Variants in PITHD1 observed in about 807,000 individuals in gnomAD.
PITHD1 encodes PITH domain containing 1, also known as PITH domain-containing protein 1.
Under a neutral mutation model 27.5 loss-of-function variants are expected in PITHD1, and 8 were observed. That is an observed-to-expected ratio of 0.29 (90% CI 0.17 to 0.52). The LOEUF is 0.52. Ranked by LOEUF, PITHD1 falls within the 20% of genes least tolerant of loss-of-function variation. PITHD1 has a pLI of 0.96. For synonymous variants in PITHD1, 118 were observed against 106.8 expected (o/e 1.10, Z -0.64); for missense variants, 233 against 283.9 (o/e 0.82, Z 1.29).
At chr1:23,784,837 G>A (rs2148401676) in intron 3 of PITHD1, among the ~76,000 whole-genome samples, 1 of 152,240 alleles carries the variant, frequency 6.6e-6, no homozygotes, top group East Asian at 1.9e-4. Context: ...AGTCTTTTGT[G>A]ATCTTTCAAA....
intron 1 of PITHD1, 23 bp downstream of exon 1, chr1:23,778,736 C>T (rs1638548974): frequency 1.6e-6 from 2 of 1,223,544 alleles, no homozygotes; most frequent in Non-Finnish European, 2.1e-6. Flanking sequence ...GGGCTTGGGG[C>T]GGGCGGGGCA....
rs779667370 is a variant in PITHD1 at position 23,786,430 on chromosome 1, T to A, written c.534+7T>A. Reference sequence around the variant, plus strand: ...GAGAGGAGAGTGGACTGAGGTAAGATGGGGTTGGAAAGGTTTTCCCCTCAT... The same window carrying A: ...GAGAGGAGAGTGGACTGAGGTAAGAAGGGGTTGGAAAGGTTTTCCCCTCAT... On this transcript the variant is annotated splice_region_variant and intron_variant, in intron 5 of 5. Coordinates refer to ENST00000246151, the MANE Select transcript of PITHD1 (RefSeq NM_020362.5). The A allele has an allele frequency of 1.1e-5, 16 of 1,461,964 alleles. No homozygotes were observed. In the South Asian group the frequency reaches 1.8e-4, roughly 16 times the overall value. The allele number at this position is 1,461,964 out of a possible 1,614,324, so 90.6% of individuals were successfully genotyped here.
At chr1:23,783,382 T>TATATATACATATATACGC (rs1017023905) in intron 3 of PITHD1, among the ~76,000 whole-genome samples, 10 of 110,972 alleles carry the variant, frequency 9.0e-5, no homozygotes, top group Non-Finnish European at 1.1e-4. Context: ...CATATATGTG[T>TATATATACATATATACGC]ATATATACAT....
chr1:23,786,639 AAT>A (rs10636542), intron 5 of PITHD1, among the ~76,000 whole-genome samples: 23 of 146,592 alleles, frequency 1.6e-4, no homozygotes, highest in Non-Finnish European at 2.1e-4. Flanking sequence ...TAATATATAT[AAT>A]ATATATATAT....
At chr1:23,779,765 A>C in intron 2 of PITHD1, 99 bp from the exon 3 acceptor site, 1 of 853,844 alleles carries the variant, frequency 1.2e-6, no homozygotes, top group Non-Finnish European at 2.0e-6. Flanking sequence ...CAGATGAGTA[A>C]ACTGAAGCCC....
At chr1:23,784,317 T>TC (rs1454487092) in intron 3 of PITHD1, among the ~76,000 whole-genome samples, 2 of 131,212 alleles carry the variant, frequency 1.5e-5, no homozygotes, top group African/African-American at 5.7e-5. Flanking sequence ...CTCGGCTCAC[T>TC]CCAAGTTCCG....
rs557375697 is a variant in PITHD1 at position 23,780,016 on chromosome 1, TA to T, written c.320+76del. The stretch of plus-strand genomic sequence containing the variant: ...CTGGTAACATTTTATTCCAGAATAG[TA>T]TCATTTTCTTCTTACCGGGTTTAAT... On this transcript the variant is annotated intron_variant, in intron 3 of 5. Coordinates refer to ENST00000246151, the MANE Select transcript of PITHD1 (RefSeq NM_020362.5). The T allele has an allele frequency of 8.5e-4, 716 of 847,290 alleles. 8 individuals are homozygous for T. The African/African-American group carries it at 0.024, about 28-fold the overall frequency. The allele number at this position is 847,290 out of a possible 1,614,324, so 52.5% of individuals were successfully genotyped here.
At position 23,787,474 on chromosome 1, in the gene PITHD1, G is replaced by T; in HGVS notation, c.*98G>T. Reference sequence around the variant, plus strand: ...GATGAGGCTCCAGAGAGAGTTGGCTGCCACAGCCTCTGCCAAGCTTTGTCT... The same window carrying T: ...GATGAGGCTCCAGAGAGAGTTGGCTTCCACAGCCTCTGCCAAGCTTTGTCT... On this transcript the variant is annotated 3_prime_UTR_variant, in exon 6 of 6. Transcript: ENST00000246151. 2 of 705,060 alleles carry T rather than the reference G, an allele frequency of 2.8e-6. No individual in the cohort carries two copies. The highest frequency in any genetic ancestry group is 5.0e-6 in the Non-Finnish European group (2 of 401,432). 43.7% of individuals were successfully genotyped at this position (705,060 alleles called of 1,614,324 possible).
chr1:23,784,234 CTTTTTTTTTTTT>C (rs774484769), intron 3 of PITHD1, among the ~76,000 whole-genome samples: 5 of 81,442 alleles, frequency 6.1e-5, no homozygotes, highest in Admixed American at 1.8e-4. Context: ...CATTTGCTTT[CTTTTTTTTTTTT>C]TTTTTTTTTT....
chr1:23,782,291 C>A (rs966896796), intron 3 of PITHD1, among the ~76,000 whole-genome samples: 1 of 152,006 alleles, frequency 6.6e-6, no homozygotes, highest in Non-Finnish European at 1.5e-5. Context: ...TGGTGGCAGT[C>A]GCCTGTCATC....
Position 23,779,423 on chromosome 1 carries a change from C to T in PITHD1, c.199-15C>T. 6.2e-7 allele frequency: 1 copy of T among 1,607,392 alleles called. No homozygotes were observed. Among genetic ancestry groups the T allele is most frequent in the African/African-American group, 1.3e-5 (1 of 74,904 alleles). On this transcript the variant is annotated splice_polypyrimidine_tract_variant and intron_variant, in intron 1 of 5. Coordinates refer to ENST00000246151, the MANE Select transcript of PITHD1 (RefSeq NM_020362.5). ...TATTTGTTGCTTTCTCCTCCCCCCT[C>T]CCCATCCCCTCCAGTTTGTTGAAAG...
chr1:23,783,438 T>TATATATAC (rs1442696414), intron 3 of PITHD1, among the ~76,000 whole-genome samples: 4 of 145,084 alleles, frequency 2.8e-5, no homozygotes, highest in African/African-American at 1.1e-4. Context: ...TACGTGTGTG[T>TATATATAC]GTGTGTGTGT....
At chr1:23,783,360 T>C (rs1378817315) in intron 3 of PITHD1, among the ~76,000 whole-genome samples, 2 of 139,116 alleles carry the variant, frequency 1.4e-5, no homozygotes, top group African/African-American at 5.5e-5. Flanking sequence ...TATATACGCA[T>C]ATATATATAC....
chr1:23,782,899 A>G (rs188709693), intron 3 of PITHD1, among the ~76,000 whole-genome samples: 247 of 151,860 alleles, frequency 1.6e-3, no homozygotes, highest in African/African-American at 5.6e-3. Flanking sequence ...CACTGCACCC[A>G]GCCAAAAAAA....
intron 3 of PITHD1, among the ~76,000 whole-genome samples, chr1:23,782,566 G>T (rs932762955): frequency 1.3e-5 from 2 of 151,948 alleles, no homozygotes; most frequent in Non-Finnish European, 2.9e-5. Flanking sequence ...TCATATACTG[G>T]ACCCCAGCCT....
In PITHD1 at chr1:23,787,282, GAC is replaced by G. The variant is rs762309698; in HGVS notation, c.545_546del (p.His182ArgfsTer17). ...GCCTCAATTTTCTTGCAGCTTCGCC[GAC>G]ACGAGGTGACCATCTGCAATTACGA... On this transcript the variant is annotated frameshift_variant, in exon 6 of 6. Coordinates refer to ENST00000246151, the MANE Select transcript of PITHD1 (RefSeq NM_020362.5). LOFTEE classifies it high-confidence loss of function. 5.0e-6 allele frequency: 8 copies of G among 1,613,070 alleles called. No individual in the cohort carries two copies. The highest frequency in any genetic ancestry group is 6.8e-6 in the Non-Finnish European group (8 of 1,179,284).
chr1:23,781,480 T>A (rs1400807351), intron 3 of PITHD1, among the ~76,000 whole-genome samples: 3 of 139,032 alleles, frequency 2.2e-5, no homozygotes, highest in Non-Finnish European at 3.2e-5. Flanking sequence ...AAAAAAAAAA[T>A]TCATCTGAAA....
At position 23,787,733 on chromosome 1, in the gene PITHD1, G is replaced by GT. The variant is rs1342393342; in HGVS notation, c.*362dup. The GT allele has an allele frequency of 4.3e-5, 7 of 162,466 alleles. No homozygotes were observed. Among genetic ancestry groups the GT allele is most frequent in the African/African-American group, 1.7e-4 (7 of 41,692 alleles). The allele number at this position is 162,466 out of a possible 1,614,324, so 10.1% of individuals were successfully genotyped here. ...TTGTGTGACTTGTTTTTTTGTTTTT[G>GT]TTTTTGTTTTTTTAAAGGAAACTAT... On this transcript the variant is annotated 3_prime_UTR_variant, in exon 6 of 6. Transcript: ENST00000246151.
chr1:23,787,437 G>A lies in PITHD1; in HGVS notation c.*61G>A, dbSNP rs556447048. 3.4e-5 allele frequency: 32 copies of A among 947,026 alleles called. No individual in the cohort carries two copies. In the Admixed American group the frequency reaches 5.8e-4, roughly 17 times the overall value. 58.7% of individuals were successfully genotyped at this position (947,026 alleles called of 1,614,324 possible). ...GTGAAGATGTACGACTACCTGTTGGGAAGGACAAAGGGATGAGGCTCCAGA... is the reference window on the plus strand; with the variant it reads ...GTGAAGATGTACGACTACCTGTTGGAAAGGACAAAGGGATGAGGCTCCAGA... On this transcript the variant is annotated 3_prime_UTR_variant, in exon 6 of 6. Coordinates refer to ENST00000246151, the MANE Select transcript of PITHD1 (RefSeq NM_020362.5).
Sources: gnomAD v4.1 joint callset for allele counts (sites outside exome capture counted in the v4.1 genomes callset) on GRCh38, gnomAD v4.1.1 for gene constraint, MANE v1.5 for transcripts, NCBI Gene and HGNC (gene_info 2026-07-23, HGNC 2026-07-21) for gene names.